CTNND2: variants seen among roughly 807,000 people sequenced by gnomAD.
CTNND2 encodes the protein catenin delta-2.
A neutral mutation model predicts 144.4 loss-of-function variants in CTNND2; 22 were observed. That is an observed-to-expected ratio of 0.15 (90% CI 0.11 to 0.22). The LOEUF (loss-of-function observed/expected upper bound fraction) is 0.22, where lower values mean the gene tolerates loss of function less well. CTNND2 is among the 10% of genes least tolerant of loss of function. The probability of loss-of-function intolerance (pLI) is 1.00; values close to 1 mark genes in which losing one functional copy is unlikely to be tolerated. For missense variants in CTNND2, 1,353 were observed against 1,618.8 expected, an observed-to-expected ratio of 0.84 and a Z score of 2.82; for synonymous variants, 751 against 695.6, an observed-to-expected ratio of 1.08 and a Z score of -1.25.
intron 7 of CTNND2, among the ~76,000 whole-genome samples, chr5:11,371,057 T>C (rs1757433430): frequency 6.6e-6 from 1 of 152,210 alleles, no homozygotes; most frequent in Non-Finnish European, 1.5e-5. Context: ...GGGCCTGGAC[T>C]AGATGCCAAT....
At chr5:11,029,000 C>T (rs1356223833) in intron 16 of CTNND2, among the ~76,000 whole-genome samples, 6 of 152,244 alleles carry the variant, frequency 3.9e-5, no homozygotes, top group African/African-American at 1.4e-4. Context: ...TGAGCCACTG[C>T]ACCCAGACAG....
At position 11,262,761 on chromosome 5, in the gene CTNND2, CAAAAAAAA is replaced by C. The variant is rs11289676; in HGVS notation, c.1629-25946_1629-25939del. 4.0e-3 allele frequency among the ~76,000 whole-genome samples: 183 copies of C among 45,710 alleles called. 2 individuals carry two copies. Among genetic ancestry groups the C allele is most frequent in the African/African-American group, 0.014 (149 of 10,336 alleles). The allele number at this position is 45,710 out of a possible 152,430, so 30.0% of individuals were successfully genotyped here. On this transcript the variant is annotated intron_variant, in intron 9 of 21. Transcript: ENST00000304623. ...TGGGTGACAGAGTAAGACTCTGTCTCAAAAAAAAAAAAAAAAAAAAAAAAAAAGAAAGA... is the reference window on the plus strand; with the variant it reads ...TGGGTGACAGAGTAAGACTCTGTCTCAAAAAAAAAAAAAAAAAAAGAAAGA...
intron 1 of CTNND2, among the ~76,000 whole-genome samples, chr5:11,829,562 C>T (rs549791764): frequency 8.5e-5 from 13 of 152,186 alleles, no homozygotes; most frequent in Non-Finnish European, 1.8e-4. Context: ...GTTGAGCCTG[C>T]CAGTGCACAC....
intron 1 of CTNND2, among the ~76,000 whole-genome samples, chr5:11,797,512 G>A (rs888706408): frequency 6.6e-6 from 1 of 152,172 alleles, no homozygotes; most frequent in Non-Finnish European, 1.5e-5. Flanking sequence ...CCAAGTGTAA[G>A]CTTACAACTC....
chr5:11,268,287 A>T (rs1745656453), intron 9 of CTNND2, among the ~76,000 whole-genome samples: 1 of 152,200 alleles, frequency 6.6e-6, no homozygotes, highest in African/African-American at 2.4e-5. Flanking sequence ...ATTCGATTTA[A>T]AAATAATGCA....
chr5:11,636,064 C>T (rs1290743289), intron 2 of CTNND2, among the ~76,000 whole-genome samples: 1 of 130,368 alleles, frequency 7.7e-6, no homozygotes. Context: ...CATGATTCTA[C>T]AGTAACTTGA....
chr5:11,393,662 C>G (rs1759824030), intron 6 of CTNND2, among the ~76,000 whole-genome samples: 1 of 152,128 alleles, frequency 6.6e-6, no homozygotes, highest in East Asian at 1.9e-4. Context: ...CTGGTTTTGG[C>G]AGAACCTGAT....
chr5:11,179,388 A>G (rs907685630), intron 11 of CTNND2, among the ~76,000 whole-genome samples: 32 of 152,288 alleles, frequency 2.1e-4, no homozygotes, highest in African/African-American at 7.5e-4. Flanking sequence ...TTCCTAAAAC[A>G]AGGTTATCAC....
intron 15 of CTNND2, among the ~76,000 whole-genome samples, chr5:11,091,481 T>C (rs1750769112): frequency 6.6e-6 from 1 of 152,258 alleles, no homozygotes; most frequent in Non-Finnish European, 1.5e-5. Flanking sequence ...TATTATGGAT[T>C]GCATTTTCTA....
At chr5:11,734,644 A>G (rs1787580350) in intron 1 of CTNND2, among the ~76,000 whole-genome samples, 1 of 152,240 alleles carries the variant, frequency 6.6e-6, no homozygotes. Flanking sequence ...TCCAGGAACC[A>G]GGGTTGTGTA....
At chr5:11,429,106 G>A (rs1763043668) in intron 3 of CTNND2, among the ~76,000 whole-genome samples, 1 of 152,122 alleles carries the variant, frequency 6.6e-6, no homozygotes, top group Admixed American at 6.5e-5. Context: ...AAGGGGATGG[G>A]GGTGGCGTTC....
intron 10 of CTNND2, among the ~76,000 whole-genome samples, chr5:11,229,637 C>CACACA (rs1740757413): frequency 1.3e-5 from 2 of 148,264 alleles, no homozygotes; most frequent in Admixed American, 1.4e-4. Flanking sequence ...TTGAATGCAG[C>CACACA]CATATTGCGT....
intron 19 of CTNND2, 35 bp downstream of exon 19, chr5:10,992,512 GAAAT>G: frequency 6.2e-7 from 1 of 1,612,752 alleles, no homozygotes; most frequent in Non-Finnish European, 8.5e-7. Flanking sequence ...TGCTCAACGA[GAAAT>G]AAAGCCTGGC....
At chr5:11,340,372 C>A (rs1043708019) in intron 9 of CTNND2, among the ~76,000 whole-genome samples, 1 of 152,162 alleles carries the variant, frequency 6.6e-6, no homozygotes, top group African/African-American at 2.4e-5. Flanking sequence ...TGGAATCTTC[C>A]ATGGAAAAGC....
At chr5:11,643,264 T>C (rs1782163037) in intron 2 of CTNND2, among the ~76,000 whole-genome samples, 1 of 152,048 alleles carries the variant, frequency 6.6e-6, no homozygotes, top group African/African-American at 2.4e-5. Context: ...CTTAAAGTTT[T>C]AGGGTACATG....
At position 11,330,899 on chromosome 5, in the gene CTNND2, G is replaced by A. The variant is rs151144194; in HGVS notation, c.1628+15473C>T. On this transcript the variant is annotated intron_variant, in intron 9 of 21. Coordinates refer to ENST00000304623, the MANE Select transcript of CTNND2 (RefSeq NM_001332.4). ...ACACTGTTTAGCAAACATACGCAGT[G>A]TTTGAGTTCCTAGAGGCCCATTTTA... Among the ~76,000 whole-genome samples the A allele has an allele frequency of 5.6e-3, 854 of 152,168 alleles. 5 individuals carry two copies. Among genetic ancestry groups the A allele is most frequent in the African/African-American group, 0.019 (780 of 41,520 alleles).
chr5:11,482,515 C>T (rs866110967), intron 3 of CTNND2, among the ~76,000 whole-genome samples: 50 of 151,982 alleles, frequency 3.3e-4, no homozygotes, highest in African/African-American at 1.1e-3. Flanking sequence ...CATCAAGAAT[C>T]GCCATTCTCA....
At chr5:11,440,833 T>C (rs1357989131) in intron 3 of CTNND2, among the ~76,000 whole-genome samples, 2 of 152,236 alleles carry the variant, frequency 1.3e-5, no homozygotes. Flanking sequence ...GATAGAGTTA[T>C]CGCTGAAGCT....
intron 2 of CTNND2, among the ~76,000 whole-genome samples, chr5:11,643,222 AT>A (rs148615407): frequency 0.058 from 8,795 of 151,606 alleles, 521 homozygotes; most frequent in East Asian, 0.17. Context: ...TTTATTTTTT[AT>A]TTTTGTTTTT....
Sources: allele counts gnomAD v4.1 joint callset (sites outside exome capture counted in the v4.1 genomes callset), GRCh38; gene constraint gnomAD v4.1.1; transcripts MANE v1.5; gene names NCBI Gene and HGNC (gene_info 2026-07-23, HGNC 2026-07-21).